The following TMEM169 variants were observed in gnomAD, a reference collection of about 807,000 sequenced individuals.
TMEM169 encodes transmembrane protein 169.
Under a neutral mutation model 27.3 loss-of-function variants are expected in TMEM169, and 18 were observed. That is an observed-to-expected ratio of 0.66 (90% CI 0.46 to 0.98). The LOEUF is 0.98. Among genes scored for constraint, TMEM169 ranks in the 50% least tolerant of loss-of-function variants. The pLI, the probability that TMEM169 is intolerant of heterozygous loss-of-function variation, is 0.00. For missense variants in TMEM169, 320 were observed against 368.6 expected (o/e 0.87, Z 1.08); for synonymous variants, 136 against 142.1 (o/e 0.96, Z 0.30).
intron 1 of TMEM169, among the ~76,000 whole-genome samples, chr2:216,087,330 A>C (rs1696026207): frequency 6.6e-6 from 1 of 152,204 alleles, no homozygotes; most frequent in Non-Finnish European, 1.5e-5. Flanking sequence ...ATATGGTAAA[A>C]AATGGTAGAG....
At chr2:216,092,906 A>G (rs1446786892) in intron 1 of TMEM169, among the ~76,000 whole-genome samples, 1 of 152,204 alleles carries the variant, frequency 6.6e-6, no homozygotes, top group Non-Finnish European at 1.5e-5. Flanking sequence ...GTTTGTTCAG[A>G]GGTCATTCCT....
intron 2 of TMEM169, among the ~76,000 whole-genome samples, chr2:216,096,858 G>T (rs539658635): frequency 1.3e-5 from 2 of 152,270 alleles, no homozygotes; most frequent in African/African-American, 4.8e-5. Flanking sequence ...AATAATTGTT[G>T]ACTTTCATAT....
intron 2 of TMEM169, among the ~76,000 whole-genome samples, chr2:216,098,864 A>G (rs544189123): frequency 1.3e-5 from 2 of 148,340 alleles, no homozygotes; most frequent in Non-Finnish European, 3.0e-5. Flanking sequence ...ATGGGGGAGT[A>G]TATGGTGTAC....
At chr2:216,094,036 T>C (rs1305922293) in intron 1 of TMEM169, among the ~76,000 whole-genome samples, 1 of 152,082 alleles carries the variant, frequency 6.6e-6, no homozygotes, top group Non-Finnish European at 1.5e-5. Context: ...AGCTTTATTA[T>C]TGGAAATAAA....
At chr2:216,082,419 C>T (rs1695886363) in intron 1 of TMEM169, 4 of 152,356 alleles carry the variant, frequency 2.6e-5, no homozygotes, top group Admixed American at 2.0e-4. Flanking sequence ...AAACTCAGGC[C>T]CACCTCCGTC....
Position 216,095,880 on chromosome 2 carries a change from G to A in TMEM169, c.-84G>A, listed in dbSNP as rs1008878726. The A allele has an allele frequency of 3.4e-5, 51 of 1,483,064 alleles. No individual in the cohort carries two copies. The African/African-American group carries it at 6.2e-4, about 18-fold the overall frequency. 91.9% of individuals were successfully genotyped at this position (1,483,064 alleles called of 1,614,324 possible). A position where few individuals can be genotyped will look rare whatever the true frequency, so the allele number is the denominator to read the frequency against. On this transcript the variant is annotated 5_prime_UTR_variant, in exon 2 of 3. Coordinates refer to ENST00000437356, the MANE Select transcript of TMEM169 (RefSeq NM_001142311.2). ...GACATCTTTGCATAGCCCCATCTAG[G>A]AAGAAGTTCTGTGATGTGTGAACTG...
chr2:216,083,552 G>A (rs1047483867), intron 1 of TMEM169, among the ~76,000 whole-genome samples: 6 of 152,164 alleles, frequency 3.9e-5, no homozygotes, highest in Non-Finnish European at 8.8e-5. Flanking sequence ...GCCAGGGTGG[G>A]TCAGTGGGAA....
chr2:216,093,159 T>A (rs1478409845), intron 1 of TMEM169, among the ~76,000 whole-genome samples: 1 of 138,062 alleles, frequency 7.2e-6, no homozygotes, highest in Non-Finnish European at 1.6e-5. Context: ...TGTGTGTGTG[T>A]GTGTATACAT....
intron 1 of TMEM169, among the ~76,000 whole-genome samples, chr2:216,094,686 A>G (rs1018755369): frequency 2.0e-5 from 3 of 152,202 alleles, no homozygotes; most frequent in African/African-American, 7.2e-5. Context: ...GTTCAGAGGA[A>G]CACACTGTGG....
At chr2:216,087,105 G>A (rs1176582582) in intron 1 of TMEM169, among the ~76,000 whole-genome samples, 4 of 152,136 alleles carry the variant, frequency 2.6e-5, no homozygotes, top group Admixed American at 6.6e-5. Context: ...CTTGAAAGAT[G>A]TGGAGAAGCG....
In TMEM169 at chr2:216,099,465, A is replaced by T. The variant is rs1696337068; in HGVS notation, c.272-455A>T. Among the ~76,000 whole-genome samples the T allele has an allele frequency of 6.6e-6, 1 of 151,774 alleles. No homozygotes were observed. Among genetic ancestry groups the T allele is most frequent in the Non-Finnish European group, 1.5e-5 (1 of 67,922 alleles). On this transcript the variant is annotated intron_variant, in intron 2 of 2. Transcript: ENST00000437356. This position sits in a 1 kb window ranked among gnomAD's most constrained non-coding sequence, Gnocchi z 5.0. ...ATGTGAGGGCTGGATCAGGCATGTG[A>T]GGGGCCCCCTCTCAGAAAGCACAGA...
intron 1 of TMEM169, chr2:216,082,755 A>T (rs1695897316): frequency 6.6e-6 from 1 of 152,212 alleles, no homozygotes; most frequent in Non-Finnish European, 1.5e-5. Context: ...TTACACCTGG[A>T]CTGGCCTACT....
chr2:216,100,331 A>G lies in TMEM169; in HGVS notation c.683A>G (p.Tyr228Cys), dbSNP rs765638704. 1.9e-6 allele frequency: 3 copies of G among 1,613,584 alleles called. No homozygotes were observed. Among genetic ancestry groups the G allele is most frequent in the South Asian group, 1.1e-5 (1 of 91,048 alleles). ...GCCATGGCTTCTTCCCTCGGCCTCT[A>G]CGCTGCTGTGGTCCAGCTCTCGTGG... ...IMAMASSLGL[Y>C]AAVVQLSWSW... Residue 228 changes from tyrosine to cysteine, a missense_variant, in exon 3 of 3, where the codon TAC becomes TGC. Coordinates refer to ENST00000437356, the MANE Select transcript of TMEM169 (RefSeq NM_001142311.2).
At position 216,101,160 on chromosome 2, in the gene TMEM169, C is replaced by T. The variant is rs1696387024; in HGVS notation, c.*618C>T. On this transcript the variant is annotated 3_prime_UTR_variant, in exon 3 of 3. Transcript: ENST00000437356. ...TCCCAGGCTTCTTCTATTTCTCTACCATTAGTAGGATGTGACCCTTCTCAC... is the reference window on the plus strand; with the variant it reads ...TCCCAGGCTTCTTCTATTTCTCTACTATTAGTAGGATGTGACCCTTCTCAC... 1 of 160,600 alleles carries T rather than the reference C, an allele frequency of 6.2e-6. No homozygotes were observed. Among genetic ancestry groups the T allele is most frequent in the African/African-American group, 2.4e-5 (1 of 41,458 alleles). 9.9% of individuals were successfully genotyped at this position (160,600 alleles called of 1,614,324 possible). A position where few individuals can be genotyped will look rare whatever the true frequency, so the allele number is the denominator to read the frequency against.
intron 1 of TMEM169, among the ~76,000 whole-genome samples, chr2:216,094,072 C>G (rs1043881878): frequency 6.6e-6 from 1 of 152,084 alleles, no homozygotes; most frequent in Non-Finnish European, 1.5e-5. Flanking sequence ...GTACATGTGG[C>G]AGTAAAATAA....
Position 216,096,247 on chromosome 2 carries a change from A to G in TMEM169, c.271+13A>G. 2 of 1,608,382 alleles carry G rather than the reference A, an allele frequency of 1.2e-6. No homozygotes were observed. The highest frequency in any genetic ancestry group is 1.7e-6 in the Non-Finnish European group (2 of 1,176,168). On this transcript the variant is annotated intron_variant, in intron 2 of 2. Transcript: ENST00000437356. ...CCTGTGGATGATGGTAAGTCTCTCT[A>G]GCCCACTTGTTTAAAGCCATGGGAA...
rs369207543 is a variant in TMEM169, at chr2:216,084,787, A to G, written c.-127+2808A>G. Among the ~76,000 whole-genome samples, 9 of 152,238 alleles carry G rather than the reference A, an allele frequency of 5.9e-5. No individual in the cohort carries two copies. The East Asian group carries it at 1.7e-3, about 29-fold the overall frequency. On this transcript the variant is annotated intron_variant, in intron 1 of 2. Transcript: ENST00000437356. Reference sequence around the variant, plus strand: ...AGCAGCAAGATAGACAGCAGTTAAGAAGACCTCAAGCATTTGGAAGCATTT... The same window carrying G: ...AGCAGCAAGATAGACAGCAGTTAAGGAGACCTCAAGCATTTGGAAGCATTT...
intron 1 of TMEM169, among the ~76,000 whole-genome samples, chr2:216,092,789 G>GCCTCAGAAAACAACAGAGAGAAT (rs1209051345): frequency 6.2e-5 from 9 of 145,230 alleles, no homozygotes; most frequent in African/African-American, 2.6e-4. Flanking sequence ...TTCACAAGCT[G>GCCTCAGAAAACAACAGAGAGAAT]CCTCAGAAAA....
rs574948271 is a variant in TMEM169, at chr2:216,100,678, T to C, written c.*136T>C. The C allele has an allele frequency of 1.2e-5, 15 of 1,249,868 alleles. No homozygotes were observed. The highest frequency in any genetic ancestry group is 1.7e-5 in the Non-Finnish European group (15 of 906,154). The allele number at this position is 1,249,868 out of a possible 1,614,324, so 77.4% of individuals were successfully genotyped here. ...AATCAGAGTCCATACTGATCAGTTTTACCATCTTGAGGGTTCCAGGAGGGC... is the reference window on the plus strand; with the variant it reads ...AATCAGAGTCCATACTGATCAGTTTCACCATCTTGAGGGTTCCAGGAGGGC... On this transcript the variant is annotated 3_prime_UTR_variant, in exon 3 of 3. Transcript: ENST00000437356.
Sources: allele counts gnomAD v4.1 joint callset (sites outside exome capture counted in the v4.1 genomes callset), GRCh38; gene constraint gnomAD v4.1.1; non-coding constraint Gnocchi (gnomAD v3.1); transcripts MANE v1.5; gene names NCBI Gene and HGNC (gene_info 2026-07-23, HGNC 2026-07-21).